OSTF1: variants seen among roughly 807,000 people sequenced by gnomAD.
The protein encoded by OSTF1 is osteoclast-stimulating factor 1.
OSTF1 carries 27 observed loss-of-function variants against 37.2 expected under a neutral mutation model. The ratio of observed to expected loss-of-function variants is 0.73; its 90% confidence interval spans 0.54 to 1.00. OSTF1 has a LOEUF of 1.00. Among genes scored for constraint, OSTF1 ranks in the 50% least tolerant of loss-of-function variants. The pLI is 0.00. For missense variants in OSTF1, 232 were observed against 253.8 expected (o/e 0.91, Z 0.58); for synonymous variants, 82 against 89.2 (o/e 0.92, Z 0.46).
chr9:75,132,992 CACACACACACACACACACA>C (rs1564167159), intron 5 of OSTF1, among the ~76,000 whole-genome samples: 7 of 89,424 alleles, frequency 7.8e-5, no homozygotes, highest in East Asian at 2.5e-4. Flanking sequence ...CACACACACA[CACACACACACACACACACA>C]CCCCTATATA....
At chr9:75,145,450 A>C (rs1057024528) in intron 9 of OSTF1, among the ~76,000 whole-genome samples, 5 of 152,172 alleles carry the variant, frequency 3.3e-5, no homozygotes, top group Non-Finnish European at 4.4e-5. Flanking sequence ...TCTTCCTGTG[A>C]TGTGACATCC....
intron 1 of OSTF1, among the ~76,000 whole-genome samples, chr9:75,111,084 G>A (rs1044633906): frequency 6.6e-6 from 1 of 152,062 alleles, no homozygotes; most frequent in African/African-American, 2.4e-5. Context: ...TCACCAACAG[G>A]AAATAAAATA....
intron 6 of OSTF1, 33 bp downstream of exon 6, chr9:75,133,434 C>A: frequency 7.7e-7 from 1 of 1,295,354 alleles, no homozygotes. Context: ...TGTTTCTATG[C>A]TGCTGAAAAT....
intron 2 of OSTF1, among the ~76,000 whole-genome samples, chr9:75,118,623 C>A (rs1825530041): frequency 6.6e-6 from 1 of 152,080 alleles, no homozygotes; most frequent in Non-Finnish European, 1.5e-5. Flanking sequence ...AAAGACATAC[C>A]TGAGACTGGG....
chr9:75,146,595 C>T lies in OSTF1; in HGVS notation c.587-88C>T, dbSNP rs1243417243. ...CCTGGGTCAGATGGAAGATTCTATT[C>T]TAATTTAAGAGCTTTGAAAATGAAA... On this transcript the variant is annotated intron_variant, in intron 9 of 9. Coordinates refer to ENST00000346234, the MANE Select transcript of OSTF1 (RefSeq NM_012383.5). 3 of 874,716 alleles carry T rather than the reference C, an allele frequency of 3.4e-6. No homozygotes were observed. In the African/African-American group the frequency reaches 5.1e-5, roughly 15 times the overall value. 54.2% of individuals were successfully genotyped at this position (874,716 alleles called of 1,614,324 possible). A position where few individuals can be genotyped will look rare whatever the true frequency, so the allele number is the denominator to read the frequency against.
At chr9:75,131,937 C>G in intron 5 of OSTF1, 114 bp downstream of exon 5, 1 of 734,982 alleles carries the variant, frequency 1.4e-6, no homozygotes, top group South Asian at 1.6e-5. Context: ...AGATCTAGAA[C>G]ATTTCTGCCA....
At chr9:75,129,500 A>C (rs6560421) in intron 3 of OSTF1, among the ~76,000 whole-genome samples, 1 of 151,982 alleles carries the variant, frequency 6.6e-6, no homozygotes, top group African/African-American at 2.4e-5. Context: ...ACATTACAAA[A>C]AGAAGCCGAC....
chr9:75,129,964 G>A (rs1825737407), intron 3 of OSTF1, among the ~76,000 whole-genome samples: 2 of 152,100 alleles, frequency 1.3e-5, no homozygotes, highest in South Asian at 4.1e-4. Context: ...GTCTTTCAGA[G>A]ATACGTACTG....
At chr9:75,126,528 CA>C (rs1825664739) in intron 2 of OSTF1, among the ~76,000 whole-genome samples, 1 of 152,102 alleles carries the variant, frequency 6.6e-6, no homozygotes, top group Non-Finnish European at 1.5e-5. Context: ...TACTGATGGT[CA>C]AAAGATGTTT....
intron 2 of OSTF1, among the ~76,000 whole-genome samples, chr9:75,126,101 G>T (rs2118555771): frequency 6.6e-6 from 1 of 152,218 alleles, no homozygotes; most frequent in South Asian, 2.1e-4. Context: ...TTTTAGTAGA[G>T]ATGGGGTTTC....
Position 75,140,857 on chromosome 9 carries a change from A to G in OSTF1, c.511A>G (p.Ile171Val). The change falls in exon 9 of 10, where the codon ATT (isoleucine) becomes GTT (valine). Residue 171 changes from isoleucine (I) to valine (V), a missense_variant. Physicochemically the swap from Ile to Val is conservative, Grantham distance 29. Coordinates refer to ENST00000346234, the MANE Select transcript of OSTF1 (RefSeq NM_012383.5). ...AGGTGCTAGAACAGACTTAAGAAACATTGAGAAGAAGCTGGCCTTCGACAT... is the reference window on the plus strand; with the variant it reads ...AGGTGCTAGAACAGACTTAAGAAACGTTGAGAAGAAGCTGGCCTTCGACAT... The part of the protein sequence containing the change: ...AKGARTDLRN[I>V]EKKLAFDMAT... 3 of 1,613,744 alleles carry G rather than the reference A, an allele frequency of 1.9e-6. No individual in the cohort carries two copies. Among genetic ancestry groups the G allele is most frequent in the Non-Finnish European group, 2.5e-6 (3 of 1,179,688 alleles).
chr9:75,136,155 C>T (rs1455285234), intron 7 of OSTF1, among the ~76,000 whole-genome samples: 4 of 152,194 alleles, frequency 2.6e-5, no homozygotes, highest in African/African-American at 7.2e-5. Context: ...TCTTAGAATT[C>T]TGTTATAAGC....
intron 1 of OSTF1, among the ~76,000 whole-genome samples, chr9:75,104,178 A>G (rs1198349225): frequency 1.3e-5 from 2 of 152,150 alleles, no homozygotes; most frequent in Non-Finnish European, 2.9e-5. Context: ...TGGGAAGTCA[A>G]GGCTGCAGTG....
chr9:75,134,633 A>G (rs1424306552), intron 7 of OSTF1, among the ~76,000 whole-genome samples: 1 of 152,156 alleles, frequency 6.6e-6, no homozygotes, highest in African/African-American at 2.4e-5. Flanking sequence ...TTACTAAGGA[A>G]TAGGCTGACG....
intron 1 of OSTF1, among the ~76,000 whole-genome samples, chr9:75,098,606 C>A (rs181051800): frequency 6.6e-6 from 1 of 152,192 alleles, no homozygotes; most frequent in East Asian, 1.9e-4. Context: ...GGTTATAACT[C>A]AGTAACATCA....
chr9:75,097,028 C>T (rs894717343), intron 1 of OSTF1, among the ~76,000 whole-genome samples: 3 of 152,268 alleles, frequency 2.0e-5, no homozygotes, highest in East Asian at 1.9e-4. Flanking sequence ...CTGATGCTAG[C>T]CCTGCGAGGA....
At chr9:75,138,536 G>A (rs1474490470) in intron 8 of OSTF1, among the ~76,000 whole-genome samples, 3 of 152,108 alleles carry the variant, frequency 2.0e-5, no homozygotes, top group Non-Finnish European at 4.4e-5. Context: ...CAAAGACTTA[G>A]TGAAACAAAA....
intron 2 of OSTF1, among the ~76,000 whole-genome samples, chr9:75,126,840 C>T (rs1045712030): frequency 1.3e-4 from 20 of 152,186 alleles, no homozygotes; most frequent in African/African-American, 4.8e-4. Context: ...AACCACCTGC[C>T]TTGGTCTCCC....
intron 1 of OSTF1, among the ~76,000 whole-genome samples, chr9:75,095,839 A>C (rs1217331442): frequency 6.6e-6 from 1 of 151,560 alleles, no homozygotes. Flanking sequence ...CGAGTTGAAG[A>C]GATTTAGCAA....
Sources: gnomAD v4.1 joint callset for allele counts (sites outside exome capture counted in the v4.1 genomes callset) on GRCh38, gnomAD v4.1.1 for gene constraint, MANE v1.5 for transcripts, NCBI Gene and HGNC (gene_info 2026-07-23, HGNC 2026-07-21) for gene names.